The following CDKL2 variants were observed in gnomAD, a reference collection of about 807,000 sequenced individuals.
CDKL2 encodes the protein cyclin-dependent kinase-like 2.
In CDKL2, 64 loss-of-function variants were observed where a neutral mutation model predicts 63.9. That is an observed-to-expected ratio of 1.00 (90% confidence interval 0.82 to 1.23). The LOEUF (loss-of-function observed/expected upper bound fraction) is 1.23. CDKL2 is among the 50% of genes most tolerant of loss of function. CDKL2 has a pLI of 0.00. For missense variants in CDKL2, 656 were observed against 668.0 expected (o/e 0.98, Z 0.20); for synonymous variants, 211 against 229.2 (o/e 0.92, Z 0.72).
intron 2 of CDKL2, among the ~76,000 whole-genome samples, chr4:75,615,506 A>G (rs1289576933): frequency 6.6e-6 from 1 of 152,244 alleles, no homozygotes; most frequent in African/African-American, 2.4e-5. Flanking sequence ...TGATCCAGGA[A>G]CTTTATACCC....
At chr4:75,600,126 C>A (rs1729116319) in intron 7 of CDKL2, among the ~76,000 whole-genome samples, 155 bp downstream of exon 7, 1 of 152,118 alleles carries the variant, frequency 6.6e-6, no homozygotes, top group South Asian at 2.1e-4. Context: ...CTAGGAACTG[C>A]ATTATTGCTA....
chr4:75,606,359 T>G (rs1729427140), intron 4 of CDKL2, among the ~76,000 whole-genome samples: 1 of 151,964 alleles, frequency 6.6e-6, no homozygotes, highest in Non-Finnish European at 1.5e-5. Context: ...GGATTACAGG[T>G]GCATGCCACC....
Position 75,614,458 on chromosome 4 carries a change from A to T in CDKL2, c.169-9T>A, listed in dbSNP as rs1729842333. On this transcript the variant is annotated splice_polypyrimidine_tract_variant and intron_variant, in intron 2 of 13. Transcript: ENST00000307465. ...TTTTCATGCCTAAGTTGCTGTTATT[A>T]AAAAATGCAAAATAGCTGTTATTTA... 2.6e-6 allele frequency: 4 copies of T among 1,526,510 alleles called. No homozygotes were observed. Among genetic ancestry groups the T allele is most frequent in the South Asian group, 2.6e-5 (2 of 77,572 alleles). 94.6% of individuals were successfully genotyped at this position (1,526,510 alleles called of 1,614,324 possible).
In CDKL2 at chr4:75,586,982, C is replaced by A. The variant is rs76035264; in HGVS notation, c.1647+4837G>T. Among the ~76,000 whole-genome samples, 298 of 152,036 alleles carry A rather than the reference C, an allele frequency of 2.0e-3. 7 individuals carry two copies. In the East Asian group the frequency reaches 0.046, roughly 23 times the overall value. On this transcript the variant is annotated intron_variant, in intron 12 of 13. Transcript: ENST00000307465. ...AAAGGGGAAAACTAAGAGGAGACAT[C>A]AATAAAATAGGGAACTGACAGATAA... is the stretch of plus-strand genomic sequence containing the variant.
chr4:75,618,239 C>CCTT (rs1730012022), intron 2 of CDKL2, among the ~76,000 whole-genome samples: 1 of 52,946 alleles, frequency 1.9e-5, no homozygotes, highest in Admixed American at 3.3e-4. Flanking sequence ...ATTGAAAATT[C>CCTT]TTTTTTTTTT....
At chr4:75,589,921 G>A (rs1393736354) in intron 12 of CDKL2, among the ~76,000 whole-genome samples, 1 of 151,822 alleles carries the variant, frequency 6.6e-6, no homozygotes, top group Non-Finnish European at 1.5e-5. Flanking sequence ...GTTCAAGGCT[G>A]CAGTGAGCTA....
At chr4:75,621,296 C>CAA (rs59563954) in intron 2 of CDKL2, among the ~76,000 whole-genome samples, 2,614 of 129,026 alleles carry the variant, frequency 0.02, 85 homozygotes, top group Admixed American at 0.054. Context: ...AATTAACAGA[C>CAA]AAAAAAAAAA....
At chr4:75,600,396 C>A (rs748355098) in intron 6 of CDKL2, 27 bp from the exon 7 acceptor site, 1 of 1,409,488 alleles carries the variant, frequency 7.1e-7, no homozygotes, top group African/African-American at 1.4e-5. Context: ...ACTTAGAGTT[C>A]ATATCAAGAA....
intron 1 of CDKL2, 124 bp from the exon 2 acceptor site, chr4:75,626,141 T>A: frequency 1.6e-6 from 1 of 630,748 alleles, no homozygotes; most frequent in Non-Finnish European, 2.7e-6. Flanking sequence ...TGTCCTGTAT[T>A]AATTCACAAT....
At position 75,623,151 on chromosome 4, in the gene CDKL2, C is replaced by T. The variant is rs150778277; in HGVS notation, c.168+2670G>A. On this transcript the variant is annotated intron_variant, in intron 2 of 13. Coordinates refer to ENST00000307465, the MANE Select transcript of CDKL2 (RefSeq NM_001330724.2). Reference sequence around the variant, plus strand: ...AATATTAGCTAAGCATGGTGGCACACGCCTGTAGGCCCAGCTACTCAGAAG... The same window carrying T: ...AATATTAGCTAAGCATGGTGGCACATGCCTGTAGGCCCAGCTACTCAGAAG... Among the ~76,000 whole-genome samples the T allele has an allele frequency of 5.1e-3, 770 of 152,182 alleles. 11 individuals carry two copies. Among genetic ancestry groups the T allele is most frequent in the African/African-American group, 0.018 (733 of 41,522 alleles).
chr4:75,616,767 T>C (rs1261459062), intron 2 of CDKL2, among the ~76,000 whole-genome samples: 1 of 104,866 alleles, frequency 9.5e-6, no homozygotes, highest in African/African-American at 3.5e-5. Flanking sequence ...TTATACATCA[T>C]AGAATATTAT....
intron 2 of CDKL2, among the ~76,000 whole-genome samples, chr4:75,615,126 A>T (rs537850576): frequency 6.6e-6 from 1 of 152,144 alleles, no homozygotes; most frequent in African/African-American, 2.4e-5. Flanking sequence ...ACAATTCATT[A>T]TGAACAAGCC....
At chr4:75,619,225 A>G (rs1730054561) in intron 2 of CDKL2, among the ~76,000 whole-genome samples, 1 of 152,176 alleles carries the variant, frequency 6.6e-6, no homozygotes, top group Non-Finnish European at 1.5e-5. Context: ...TAATTACTAA[A>G]GGGGGTAAAA....
intron 12 of CDKL2, among the ~76,000 whole-genome samples, chr4:75,589,515 G>A (rs1021961728): frequency 1.1e-4 from 16 of 150,992 alleles, no homozygotes; most frequent in African/African-American, 7.3e-5. Context: ...CGTTTTAGCC[G>A]GGATGGTCTC....
chr4:75,627,522 T>C, intron 1 of CDKL2, among the ~76,000 whole-genome samples: 1 of 152,040 alleles, frequency 6.6e-6, no homozygotes, highest in East Asian at 1.9e-4. Context: ...CCACCCACCT[T>C]GGCCTCCCAA....
intron 9 of CDKL2, 104 bp downstream of exon 9, chr4:75,596,831 T>C: frequency 2.1e-6 from 2 of 971,860 alleles, no homozygotes; most frequent in Non-Finnish European, 1.5e-6. Context: ...ATGAATAGCA[T>C]CCAGAATTCT....
intron 9 of CDKL2, 27 bp from the exon 10 acceptor site, chr4:75,596,367 A>C: frequency 1.4e-6 from 2 of 1,394,588 alleles, no homozygotes. Context: ...AAATGTTTTT[A>C]AGTTAGAACC....
chr4:75,622,140 A>G (rs1730180601), intron 2 of CDKL2, among the ~76,000 whole-genome samples: 1 of 152,210 alleles, frequency 6.6e-6, no homozygotes, highest in Non-Finnish European at 1.5e-5. Flanking sequence ...AATGTTTAAC[A>G]AAATAATTTT....
At chr4:75,581,707 CA>C in intron 13 of CDKL2, 102 bp downstream of exon 13, 1 of 590,208 alleles carries the variant, frequency 1.7e-6, no homozygotes, top group South Asian at 2.4e-5. Context: ...CTCATGGAAT[CA>C]ATCACTGGAG....
Sources: gnomAD v4.1 joint callset for allele counts (sites outside exome capture counted in the v4.1 genomes callset) on GRCh38, gnomAD v4.1.1 for gene constraint, MANE v1.5 for transcripts, NCBI Gene and HGNC (gene_info 2026-07-23, HGNC 2026-07-21) for gene names.